The following DGLUCY variants were observed in gnomAD, a reference collection of about 807,000 sequenced individuals.
DGLUCY encodes the protein D-glutamate cyclase, mitochondrial.
A neutral mutation model predicts 58.5 loss-of-function variants in DGLUCY; 58 were observed. The observed-to-expected ratio is 0.99, with a 90% CI of 0.80 to 1.23. The LOEUF (loss-of-function observed/expected upper bound fraction) is 1.23. DGLUCY is among the 50% of genes most tolerant of loss of function. The pLI, the probability that DGLUCY is intolerant of heterozygous loss-of-function variation, is 0.00. For synonymous variants in DGLUCY, 325 were observed against 314.1 expected (o/e 1.03, Z -0.37); for missense variants, 779 against 784.7 (o/e 0.99, Z 0.09).
intron 11 of DGLUCY, among the ~76,000 whole-genome samples, chr14:91,204,184 T>A (rs1230006071): frequency 1.3e-5 from 2 of 152,248 alleles, no homozygotes; most frequent in African/African-American, 2.4e-5. Flanking sequence ...CTCTTTCAAA[T>A]GCTTACTAAC....
At chr14:91,104,559 C>T (rs563524966), upstream of DGLUCY, among the ~76,000 whole-genome samples, 15 of 152,122 alleles carry the variant, frequency 9.9e-5, no homozygotes, top group Non-Finnish European at 1.9e-4. Context: ...TTACCAAGAG[C>T]GTCCTTGATG....
chr14:91,122,402 C>A (rs1387414946), intron 1 of DGLUCY, among the ~76,000 whole-genome samples: 3 of 152,038 alleles, frequency 2.0e-5, no homozygotes, highest in Non-Finnish European at 2.9e-5. Context: ...ATCCTCCCGC[C>A]TTGGCCTCCC....
chr14:91,062,854 C>G (rs1413895127), intron 1 of DGLUCY, among the ~76,000 whole-genome samples: 1 of 151,888 alleles, frequency 6.6e-6, no homozygotes, highest in African/African-American at 2.4e-5. Flanking sequence ...CTATTTGGAG[C>G]CAGGCAATGA....
At chr14:91,146,563 G>A (rs2047025421) in intron 1 of DGLUCY, among the ~76,000 whole-genome samples, 2 of 152,168 alleles carry the variant, frequency 1.3e-5, no homozygotes, top group Admixed American at 1.3e-4. Context: ...CTGGGTGACT[G>A]TGTCCCCCGG....
At chr14:91,108,138 A>G (rs1327802783) in intron 1 of DGLUCY, 1 of 152,754 alleles carries the variant, frequency 6.5e-6, no homozygotes, top group Non-Finnish European at 1.5e-5. Flanking sequence ...TGCAGGTGGA[A>G]GTGTCTTCGT....
chr14:91,210,010 A>G (rs1011144802), intron 12 of DGLUCY, among the ~76,000 whole-genome samples: 4 of 152,012 alleles, frequency 2.6e-5, no homozygotes, highest in Admixed American at 2.0e-4. Context: ...GCCAGGCACA[A>G]TGGTGCACAC....
At chr14:91,195,281 G>A (rs1305918653) in intron 9 of DGLUCY, among the ~76,000 whole-genome samples, 1 of 152,202 alleles carries the variant, frequency 6.6e-6, no homozygotes, top group African/African-American at 2.4e-5. Context: ...ATCCCAACCT[G>A]CTGTGAGATA....
At chr14:91,179,886 C>CTTTTTTT (rs35580984) in intron 7 of DGLUCY, among the ~76,000 whole-genome samples, 8 of 75,990 alleles carry the variant, frequency 1.1e-4, no homozygotes, top group Non-Finnish European at 1.9e-4. Flanking sequence ...ATGCTAAACA[C>CTTTTTTT]TTTTTTTTTT....
rs12883889 is a variant in DGLUCY at position 91,157,106 on chromosome 14, G to A, written c.-81-533G>A. Reference sequence around the variant, plus strand: ...GGATGGATGGATGAATGGGTGGATGGATGGATGGATGGGTGGATGGATGGA... The same window carrying A: ...GGATGGATGGATGAATGGGTGGATGAATGGATGGATGGGTGGATGGATGGA... On this transcript the variant is annotated intron_variant, in intron 1 of 13. Transcript: ENST00000256324. Among the ~76,000 whole-genome samples the A allele has an allele frequency of 7.1e-4, 102 of 144,004 alleles. 1 individual carries two copies. The highest frequency in any genetic ancestry group is 2.4e-3 in the African/African-American group (95 of 39,066). The allele number at this position is 144,004 out of a possible 152,430, so 94.5% of individuals were successfully genotyped here. A position where few individuals can be genotyped will look rare whatever the true frequency, so the allele number is the denominator to read the frequency against.
intron 1 of DGLUCY, among the ~76,000 whole-genome samples, chr14:91,153,978 T>TC (rs778241440): frequency 7.9e-5 from 12 of 152,206 alleles, no homozygotes; most frequent in Non-Finnish European, 1.8e-4. Flanking sequence ...CGATCTCGAC[T>TC]CACTGCAGCC....
At chr14:91,094,458 C>T (rs2044363731) in intron 1 of DGLUCY, among the ~76,000 whole-genome samples, 1 of 149,720 alleles carries the variant, frequency 6.7e-6, no homozygotes, top group Admixed American at 6.7e-5. Context: ...GCAACTACAG[C>T]CCATGTGGAA....
chr14:91,204,951 G>A (rs1595914313), intron 12 of DGLUCY, 126 bp downstream of exon 12: 2 of 1,310,490 alleles, frequency 1.5e-6, no homozygotes, highest in East Asian at 2.4e-5. Flanking sequence ...GCAGGGAGGG[G>A]AGGTGGTGCT....
chr14:91,134,894 G>A (rs1186861485), intron 1 of DGLUCY, among the ~76,000 whole-genome samples: 3 of 151,832 alleles, frequency 2.0e-5, no homozygotes, highest in African/African-American at 4.8e-5. Flanking sequence ...ATATCTGCAC[G>A]TTTTTTCTTC....
At chr14:91,218,163 C>A (rs1886872684) in intron 13 of DGLUCY, among the ~76,000 whole-genome samples, 1 of 152,106 alleles carries the variant, frequency 6.6e-6, no homozygotes, top group South Asian at 2.1e-4. Flanking sequence ...AATGGTCTGC[C>A]CTAGAGGGGC....
At chr14:91,112,589 C>T (rs1182881094), upstream of DGLUCY, among the ~76,000 whole-genome samples, 1 of 151,942 alleles carries the variant, frequency 6.6e-6, no homozygotes, top group East Asian at 1.9e-4. Context: ...TCACTTTAAC[C>T]CTTTCATTTA....
upstream of DGLUCY, among the ~76,000 whole-genome samples, chr14:91,113,819 T>A (rs958660465): frequency 6.6e-6 from 1 of 152,220 alleles, no homozygotes; most frequent in Non-Finnish European, 1.5e-5. Flanking sequence ...TGGAATCACT[T>A]GAGGGATTTC....
At chr14:91,165,237 A>G (rs1434546991) in intron 3 of DGLUCY, 3 of 456,260 alleles carry the variant, frequency 6.6e-6, no homozygotes, top group Non-Finnish European at 1.3e-5. Flanking sequence ...AATTTTAAAC[A>G]TCTACACAGG....
chr14:91,078,428 T>G (rs1000049388), intron 1 of DGLUCY, among the ~76,000 whole-genome samples: 3 of 152,318 alleles, frequency 2.0e-5, no homozygotes, highest in African/African-American at 7.2e-5. Context: ...TGAAAACTTG[T>G]GGTTTTAGAA....
rs547312577 is a variant in DGLUCY, at chr14:91,184,961, C to T, written c.934+3572C>T. Among the ~76,000 whole-genome samples, 5 of 152,112 alleles carry T rather than the reference C, an allele frequency of 3.3e-5. No individual in the cohort carries two copies. The South Asian group carries it at 1.0e-3, about 32-fold the overall frequency. On this transcript the variant is annotated intron_variant, in intron 8 of 13. Transcript: ENST00000256324. ...ATAAAGTATCTTACATAGTTGATCC[C>T]CTGGGTGGATTTTTTTTTTCTTTTG...
Sources: gnomAD v4.1 joint callset for allele counts (sites outside exome capture counted in the v4.1 genomes callset) on GRCh38, gnomAD v4.1.1 for gene constraint, MANE v1.5 for transcripts, NCBI Gene and HGNC (gene_info 2026-07-23, HGNC 2026-07-21) for gene names.